ABCB4: variants seen among roughly 807,000 people sequenced by gnomAD.
ABCB4 encodes the protein ATP binding cassette subfamily B member 4.
A neutral mutation model predicts 145.7 loss-of-function variants in ABCB4; 76 were observed. The observed-to-expected ratio is 0.52, with a 90% CI of 0.43 to 0.63. The LOEUF is 0.63. ABCB4 is among the 30% of genes least tolerant of loss of function. The pLI, the probability that ABCB4 is intolerant of heterozygous loss-of-function variation, is 0.00. For missense variants in ABCB4, 1,234 were observed against 1,553.1 expected, an observed-to-expected ratio of 0.79 and a Z score of 3.45; for synonymous variants, 517 against 566.8, an observed-to-expected ratio of 0.91 and a Z score of 1.25.
At chr7:87,411,822 A>C in intron 23 of ABCB4, 71 bp downstream of exon 23, 2 of 1,471,492 alleles carry the variant, frequency 1.4e-6, no homozygotes, top group East Asian at 4.7e-5. Context: ...TTTTTTTCCT[A>C]CTCTAAACTT....
chr7:87,375,637 T>C, the ABCB4 span: 1 of 1,611,636 alleles, frequency 6.2e-7, no homozygotes, highest in Non-Finnish European at 8.5e-7. Flanking sequence ...ATAAGACAAC[T>C]GACATATATC....
the ABCB4 span, chr7:87,377,411 G>T: frequency 3.7e-6 from 6 of 1,611,174 alleles, no homozygotes; most frequent in South Asian, 2.2e-5. Context: ...CCTATAACTT[G>T]ATTTCCTTTT....
intron 2 of ABCB4, among the ~76,000 whole-genome samples, chr7:87,473,455 C>T (rs557874322): frequency 8.5e-5 from 13 of 152,076 alleles, no homozygotes; most frequent in Admixed American, 7.2e-4. Flanking sequence ...TTACCTTTTC[C>T]GGGAATGCTC....
At chr7:87,430,053 A>C (rs894873361) in intron 15 of ABCB4, among the ~76,000 whole-genome samples, 4 of 152,186 alleles carry the variant, frequency 2.6e-5, no homozygotes, top group African/African-American at 4.8e-5. Context: ...GCAACCTCTC[A>C]TGGTAGGTTT....
At chr7:87,412,374 G>C (rs1384732298) in intron 22 of ABCB4, among the ~76,000 whole-genome samples, 1 of 152,068 alleles carries the variant, frequency 6.6e-6, no homozygotes, top group Non-Finnish European at 1.5e-5. Context: ...TAAAATGTCA[G>C]GATCTGAATT....
intron 4 of ABCB4, among the ~76,000 whole-genome samples, chr7:87,461,748 CA>C (rs1250196813): frequency 3.9e-5 from 6 of 152,192 alleles, no homozygotes; most frequent in African/African-American, 1.2e-4. Context: ...TAATATTTAT[CA>C]ATATTTATGT....
chr7:87,403,871 G>T (rs1471176851), intron 26 of ABCB4, among the ~76,000 whole-genome samples: 1 of 152,104 alleles, frequency 6.6e-6, no homozygotes, highest in Non-Finnish European at 1.5e-5. Flanking sequence ...ATGGAGACAG[G>T]GTAGAAGGAG....
intron 14 of ABCB4, among the ~76,000 whole-genome samples, chr7:87,432,065 C>T (rs571495476): frequency 1.6e-4 from 24 of 152,274 alleles, no homozygotes; most frequent in African/African-American, 5.8e-4. Flanking sequence ...GGGATCAGGA[C>T]TATTAAAATT....
At chr7:87,445,157 A>G (rs1314729220) in intron 9 of ABCB4, among the ~76,000 whole-genome samples, 182 bp from the exon 10 acceptor site, 2 of 151,916 alleles carry the variant, frequency 1.3e-5, no homozygotes, top group African/African-American at 4.8e-5. Flanking sequence ...GAGTGGGTCT[A>G]TTTTCTCAAA....
intron 26 of ABCB4, among the ~76,000 whole-genome samples, chr7:87,404,931 G>A (rs1808068645): frequency 6.6e-6 from 1 of 152,150 alleles, no homozygotes; most frequent in African/African-American, 2.4e-5. Flanking sequence ...AATGTAAAAT[G>A]GGATGGCCAC....
At chr7:87,372,011 A>C in the ABCB4 span, among the ~76,000 whole-genome samples, 1 of 151,250 alleles carries the variant, frequency 6.6e-6, no homozygotes, top group Admixed American at 6.6e-5. Flanking sequence ...AAAAAACAAA[A>C]AAAAAAAAAC....
intron 3 of ABCB4, among the ~76,000 whole-genome samples, chr7:87,470,514 C>G (rs1208921151): frequency 2.6e-5 from 4 of 152,018 alleles, no homozygotes; most frequent in Non-Finnish European, 5.9e-5. Context: ...AGAACTCAAA[C>G]AAATTTACAA....
chr7:87,412,317 T>G (rs1808679660), intron 22 of ABCB4, among the ~76,000 whole-genome samples: 1 of 152,198 alleles, frequency 6.6e-6, no homozygotes, highest in Admixed American at 6.5e-5. Flanking sequence ...ATCTGATGAC[T>G]CCAATGTTCA....
Position 87,418,738 on chromosome 7 carries a change from T to C in ABCB4, c.2395-118A>G, listed in dbSNP as rs542809412. ...TTTAGGGGAGACCTCATATGCAGTG[T>C]AGAGTCCCTGGCCTTGCTCTGAGCA... On this transcript the variant is annotated intron_variant, in intron 19 of 27. Transcript: ENST00000649586. 1.2e-5 allele frequency: 11 copies of C among 900,380 alleles called. No individual in the cohort carries two copies. The South Asian group carries it at 1.4e-4, about 11-fold the overall frequency. The allele number at this position is 900,380 out of a possible 1,614,324, so 55.8% of individuals were successfully genotyped here.
rs121918441 is a variant in ABCB4, at chr7:87,439,761, G to T, written c.1637C>A (p.Ala546Asp). Residue 546 changes from alanine (A) to aspartate (D), a missense_variant, in exon 14 of 28, where the codon GCC (alanine) becomes GAC (aspartate). Ala to Asp is a moderately radical substitution (Grantham distance 126). Coordinates refer to ENST00000649586, the MANE Select transcript of ABCB4 (RefSeq NM_000443.4). ...GQKQRIAIARALVRNPKILLL... is the reference protein window; with the variant it reads ...GQKQRIAIARDLVRNPKILLL... ...AAGGATCTTGGGGTTGCGAACCAGG[G>T]CACGTGCAATGGCGATCCTCTGCTT... The T allele has an allele frequency of 6.8e-6, 11 of 1,614,116 alleles. No homozygotes were observed. The highest frequency in any genetic ancestry group is 9.3e-6 in the Non-Finnish European group (11 of 1,180,016).
At chr7:87,400,129 G>C (rs142471733), downstream of ABCB4, among the ~76,000 whole-genome samples, 10 of 152,134 alleles carry the variant, frequency 6.6e-5, no homozygotes, top group Non-Finnish European at 8.8e-5. Flanking sequence ...AAGGTCCCTT[G>C]AGGCCTAGGC....
intron 14 of ABCB4, 140 bp from the exon 15 acceptor site, chr7:87,431,705 G>A: frequency 1.7e-6 from 2 of 1,187,480 alleles, no homozygotes; most frequent in Non-Finnish European, 1.2e-6. Context: ...CGTGATTATG[G>A]CAAAGGCATC....
the ABCB4 span, chr7:87,382,682 C>G: frequency 1.3e-6 from 1 of 781,176 alleles, no homozygotes; most frequent in East Asian, 2.6e-5. Flanking sequence ...GTACTTCCAT[C>G]AATAGAGTAT....
chr7:87,393,005 G>A, the ABCB4 span: 1 of 1,613,512 alleles, frequency 6.2e-7, no homozygotes, highest in Admixed American at 1.7e-5. Flanking sequence ...TACGAGTCCA[G>A]GGAGTGGTAG....
Sources: gnomAD v4.1 joint callset for allele counts (sites outside exome capture counted in the v4.1 genomes callset) on GRCh38, gnomAD v4.1.1 for gene constraint, MANE v1.5 for transcripts, NCBI Gene and HGNC (gene_info 2026-07-23, HGNC 2026-07-21) for gene names.